Variants in CNTN5 observed in about 807,000 individuals in gnomAD.
The protein encoded by CNTN5 is contactin 5, also known as contactin-5.
A neutral mutation model predicts 129.1 loss-of-function variants in CNTN5; 77 were observed. That is an observed-to-expected ratio of 0.60 (90% confidence interval 0.50 to 0.72). The LOEUF (loss-of-function observed/expected upper bound fraction) is 0.72, where lower values mean the gene tolerates loss of function less well. Ranked by LOEUF, CNTN5 falls within the 30% of genes least tolerant of loss-of-function variation. The pLI is 0.00. For missense variants in CNTN5, 1,478 were observed against 1,328.8 expected, an observed-to-expected ratio of 1.11 and a Z score of -1.75; for synonymous variants, 509 against 465.6, an observed-to-expected ratio of 1.09 and a Z score of -1.20.
intron 2 of CNTN5, among the ~76,000 whole-genome samples, chr11:99,465,701 T>C (rs564226752): frequency 6.6e-6 from 1 of 151,854 alleles, no homozygotes; most frequent in Non-Finnish European, 1.5e-5. Flanking sequence ...TGAGATGGGG[T>C]AATTTATAAA....
At chr11:100,101,563 T>C (rs1945225105) in intron 13 of CNTN5, among the ~76,000 whole-genome samples, 1 of 152,038 alleles carries the variant, frequency 6.6e-6, no homozygotes, top group African/African-American at 2.4e-5. Flanking sequence ...CCTAAGAAAT[T>C]CCAATGTATT....
At chr11:99,459,881 G>A (rs1014639972) in intron 2 of CNTN5, among the ~76,000 whole-genome samples, 1 of 151,994 alleles carries the variant, frequency 6.6e-6, no homozygotes, top group Non-Finnish European at 1.5e-5. Context: ...GTAAAAGAAT[G>A]AGATATCTGG....
At chr11:99,305,438 G>A (rs372009777) in intron 1 of CNTN5, among the ~76,000 whole-genome samples, 2 of 152,210 alleles carry the variant, frequency 1.3e-5, no homozygotes, top group African/African-American at 4.8e-5. Context: ...CTGGGAAATT[G>A]ATGCTTAAAA....
At chr11:99,868,799 C>T (rs1948424434) in intron 6 of CNTN5, among the ~76,000 whole-genome samples, 4 of 152,098 alleles carry the variant, frequency 2.6e-5, no homozygotes, top group Admixed American at 2.6e-4. Context: ...TTTAGCTGGT[C>T]TTTAATCTCT....
At chr11:100,102,313 A>G (rs1031233824) in intron 13 of CNTN5, among the ~76,000 whole-genome samples, 3 of 151,758 alleles carry the variant, frequency 2.0e-5, no homozygotes, top group Non-Finnish European at 1.5e-5. Flanking sequence ...TTCCCTGATA[A>G]TTGTGATGTT....
chr11:100,016,498 G>T (rs1056172305), intron 9 of CNTN5, among the ~76,000 whole-genome samples: 33 of 152,004 alleles, frequency 2.2e-4, no homozygotes, highest in African/African-American at 8.0e-4. Flanking sequence ...ATTCTTCGTT[G>T]CCTTAGATTA....
At chr11:100,216,548 G>A (rs1372836944) in intron 15 of CNTN5, among the ~76,000 whole-genome samples, 1 of 151,710 alleles carries the variant, frequency 6.6e-6, no homozygotes, top group Non-Finnish European at 1.5e-5. Context: ...CGTCAGTTGT[G>A]GGTCACATAT....
chr11:99,074,108 T>A (rs1330886000), intron 1 of CNTN5, among the ~76,000 whole-genome samples: 1 of 152,238 alleles, frequency 6.6e-6, no homozygotes, highest in Non-Finnish European at 1.5e-5. Flanking sequence ...TGGTTTTGAT[T>A]TGTATTTCTC....
At chr11:99,307,950 G>C (rs1173048732) in intron 1 of CNTN5, among the ~76,000 whole-genome samples, 2 of 152,154 alleles carry the variant, frequency 1.3e-5, no homozygotes, top group Admixed American at 1.3e-4. Flanking sequence ...TGTTCAAATA[G>C]TATGTGATTC....
intron 6 of CNTN5, among the ~76,000 whole-genome samples, chr11:99,850,574 T>TA (rs1947842053): frequency 6.6e-6 from 1 of 152,198 alleles, no homozygotes; most frequent in South Asian, 2.1e-4. Flanking sequence ...ATAATAATGT[T>TA]ACTTTATTAA....
chr11:99,599,227 A>G (rs1254805893), intron 3 of CNTN5, among the ~76,000 whole-genome samples: 1 of 151,890 alleles, frequency 6.6e-6, no homozygotes, highest in East Asian at 1.9e-4. Context: ...TGAGGCATTG[A>G]GGAAATTGGA....
At chr11:99,118,570 G>A (rs1176966470) in intron 1 of CNTN5, among the ~76,000 whole-genome samples, 2 of 151,854 alleles carry the variant, frequency 1.3e-5, no homozygotes, top group Non-Finnish European at 2.9e-5. Flanking sequence ...CATCCGAGAA[G>A]TATGGAAAAT....
chr11:99,613,587 AAG>A (rs1950661663), intron 3 of CNTN5, among the ~76,000 whole-genome samples: 1 of 152,212 alleles, frequency 6.6e-6, no homozygotes, highest in Non-Finnish European at 1.5e-5. Flanking sequence ...CAGGGATAAG[AAG>A]AGAGAGAAAA....
intron 2 of CNTN5, among the ~76,000 whole-genome samples, chr11:99,480,507 G>A (rs1268945220): frequency 6.6e-6 from 1 of 152,042 alleles, no homozygotes; most frequent in African/African-American, 2.4e-5. Flanking sequence ...TAGAACATAT[G>A]GAACAATGGC....
chr11:99,701,420 A>C (rs1954515158), intron 3 of CNTN5, among the ~76,000 whole-genome samples: 2 of 151,390 alleles, frequency 1.3e-5, no homozygotes, highest in South Asian at 4.2e-4. Context: ...GGTCTTGTAG[A>C]ATATGAAGAG....
intron 2 of CNTN5, among the ~76,000 whole-genome samples, chr11:99,544,877 T>C (rs1006688302): frequency 2.0e-4 from 31 of 152,174 alleles, no homozygotes; most frequent in Non-Finnish European, 3.1e-4. Flanking sequence ...AAATCAATAA[T>C]AGCCATTTGG....
intron 2 of CNTN5, among the ~76,000 whole-genome samples, chr11:99,448,658 AC>A (rs1944169753): frequency 6.6e-6 from 1 of 151,586 alleles, no homozygotes. Context: ...GTAAAGATTT[AC>A]TCTTGTTGTA....
chr11:99,432,504 C>T (rs1271436755), intron 2 of CNTN5, among the ~76,000 whole-genome samples: 1,262 of 88,628 alleles, frequency 0.014, 12 homozygotes, highest in African/African-American at 0.032. Flanking sequence ...TCTTTCTTTT[C>T]TTTCTCTCTC....
intron 16 of CNTN5, among the ~76,000 whole-genome samples, chr11:100,236,769 C>A (rs1402133841): frequency 6.6e-6 from 1 of 152,094 alleles, no homozygotes; most frequent in Non-Finnish European, 1.5e-5. Flanking sequence ...AGAAGGCCTG[C>A]TCCTTTCCCT....
Sources: gnomAD v4.1 joint callset for allele counts (sites outside exome capture counted in the v4.1 genomes callset) on GRCh38, gnomAD v4.1.1 for gene constraint, MANE v1.5 for transcripts, NCBI Gene and HGNC (gene_info 2026-07-23, HGNC 2026-07-21) for gene names.